ARHGAP36: variants seen among roughly 807,000 people sequenced by gnomAD.
ARHGAP36 encodes the protein Rho GTPase activating protein 36, also known as rho GTPase-activating protein 36.
In ARHGAP36, 7 loss-of-function variants were observed where a neutral mutation model predicts 32.9. That is an observed-to-expected ratio of 0.21 (90% CI 0.12 to 0.40). ARHGAP36 has a LOEUF of 0.40. ARHGAP36 is among the 10% of genes least tolerant of loss of function. The pLI is 1.00. For missense variants in ARHGAP36, 383 were observed against 442.2 expected (o/e 0.87, Z 1.20); for synonymous variants, 165 against 168.3 (o/e 0.98, Z 0.15).
At chrX:131,087,602 G>A (rs1426115906) in intron 11 of ARHGAP36, among the ~76,000 whole-genome samples, 1 of 111,857 alleles carries the variant, frequency 8.9e-6, no homozygotes, top group Non-Finnish European at 1.9e-5. Context: ...AGAAGCTCCA[G>A]AGACCAATGG....
At chrX:131,072,337 A>G (rs768332538) in intron 1 of ARHGAP36, among the ~76,000 whole-genome samples, 42 of 112,260 alleles carry the variant, frequency 3.7e-4, no homozygotes, top group Admixed American at 7.5e-4. Context: ...CAAGAAGACC[A>G]GAGGCCCTAG....
chrX:131,084,122 A>G (rs1402638869), intron 4 of ARHGAP36, 93 bp from the exon 5 acceptor site: 3 of 1,050,898 alleles, frequency 2.9e-6, no homozygotes, highest in Admixed American at 5.6e-5. Flanking sequence ...AAGGGAATGT[A>G]TCTTGTCCTG....
At chrX:131,075,337 T>C in intron 1 of ARHGAP36, among the ~76,000 whole-genome samples, 1 of 111,237 alleles carries the variant, frequency 9.0e-6, no homozygotes, top group Non-Finnish European at 1.9e-5. Context: ...TTAGTGAGTG[T>C]GTAAACTTAC....
intron 1 of ARHGAP36, among the ~76,000 whole-genome samples, chrX:131,074,305 G>A (rs1437654814): frequency 9.4e-6 from 1 of 106,513 alleles, no homozygotes; most frequent in African/African-American, 3.4e-5. Context: ...CTTGTAGTGA[G>A]TACATCGAAG....
In ARHGAP36 at chrX:131,083,961, G is replaced by T. The variant is rs1250593683; in HGVS notation, c.547G>T (p.Gly183Trp). 2 of 1,208,934 alleles carry T rather than the reference G, an allele frequency of 1.7e-6. No homozygotes were observed. Among genetic ancestry groups the T allele is most frequent in the Non-Finnish European group, 2.2e-6 (2 of 894,752 alleles). ...CTTGCCCCGGGAGTTCACTCGCCGT[G>T]GGCGTCGAGTGAGTTAAACCCTCCA... ...PTLPREFTRR[G>W]RRGAVSVDSL... is the part of the protein sequence containing the mutation. The change falls in exon 4 of 12, where the codon GGG becomes TGG. Residue 183 changes from glycine to tryptophan, a missense_variant. This residue lies in a region of ARHGAP36 where 227 missense variants were observed against 311.3 expected (regional missense o/e 0.73). Coordinates refer to ENST00000276211, the MANE Select transcript of ARHGAP36 (RefSeq NM_144967.4).
Position 131,084,338 on chromosome X carries a change from A to T in ARHGAP36, c.679A>T (p.Ser227Cys). 1 of 1,211,081 alleles carries T rather than the reference A, an allele frequency of 8.3e-7. No homozygotes were observed. The highest frequency in any genetic ancestry group is 1.1e-6 in the Non-Finnish European group (1 of 895,344). ...QRLLGSKRKM[S>C]LNPIAKQIPQ... ...ACTTCTGGGATCCAAAAGGAAGATG[A>T]GTCTCAATCCGATTGCGAAACAAAT... The change falls in exon 5 of 12, where the codon AGT becomes TGT. Residue 227 changes from serine to cysteine, a missense_variant. This residue lies in a region of ARHGAP36 where 227 missense variants were observed against 311.3 expected (regional missense o/e 0.73). Transcript: ENST00000276211.
At chrX:131,086,135 G>C (rs1413660837) in intron 9 of ARHGAP36, 46 bp downstream of exon 9, 1 of 1,185,366 alleles carries the variant, frequency 8.4e-7, no homozygotes, top group Non-Finnish European at 1.1e-6. Flanking sequence ...TCCATCTCCT[G>C]TTCACAAGGC....
At chrX:131,068,926 TC>T (rs1315610838) in intron 1 of ARHGAP36, among the ~76,000 whole-genome samples, 8 of 111,239 alleles carry the variant, frequency 7.2e-5, no homozygotes, top group Non-Finnish European at 1.5e-4. Context: ...CTCTAAATGT[TC>T]CCCCCTCCCG....
rs2079763172 is a variant in ARHGAP36, at chrX:131,076,409, T to C, written c.-142-5115T>C. Among the ~76,000 whole-genome samples, 5 of 112,305 alleles carry C rather than the reference T, an allele frequency of 4.5e-5. No individual in the cohort carries two copies. In the South Asian group the frequency reaches 1.9e-3, roughly 42 times the overall value. On this transcript the variant is annotated intron_variant, in intron 1 of 11. Coordinates refer to ENST00000276211, the MANE Select transcript of ARHGAP36 (RefSeq NM_144967.4). ...TGATGTCACATTGCCTTGTTTACACTATCCTTTGGGATGTTTATAGCATAA... is the reference window on the plus strand; with the variant it reads ...TGATGTCACATTGCCTTGTTTACACCATCCTTTGGGATGTTTATAGCATAA...
chrX:131,085,510 G>A, intron 7 of ARHGAP36, 78 bp from the exon 8 acceptor site: 3 of 1,108,208 alleles, frequency 2.7e-6, no homozygotes, highest in Non-Finnish European at 3.6e-6. Context: ...CAAGTTTCAA[G>A]CAGAATCTCA....
chrX:131,084,577 T>C (rs777651830), intron 5 of ARHGAP36, 49 bp from the exon 6 acceptor site: 2 of 1,198,612 alleles, frequency 1.7e-6, no homozygotes, highest in South Asian at 3.6e-5. Context: ...AGAAATGCCA[T>C]GGGAAAGGGA....
In ARHGAP36 at chrX:131,066,317, G is replaced by A. The variant is rs1315026000; in HGVS notation, c.-143+7873G>A. On this transcript the variant is annotated intron_variant, in intron 1 of 11. Transcript: ENST00000276211. ...TTGTAAAAATGGGTCTGGGGGAGCTGTGAAATCATTCTGTTACTCCACCCT... is the reference window on the plus strand; with the variant it reads ...TTGTAAAAATGGGTCTGGGGGAGCTATGAAATCATTCTGTTACTCCACCCT... Among the ~76,000 whole-genome samples the A allele has an allele frequency of 4.5e-5, 5 of 111,726 alleles. No homozygotes were observed. The Admixed American group carries it at 4.7e-4, about 11-fold the overall frequency.
At position 131,081,593 on chromosome X, in the gene ARHGAP36, CA is replaced by C. The variant is rs2079799335; in HGVS notation, c.-72del. The C allele has an allele frequency of 8.7e-7, 1 of 1,143,251 alleles. No individual in the cohort carries two copies. The highest frequency in any genetic ancestry group is 1.2e-6 in the Non-Finnish European group (1 of 859,520). The allele number at this position is 1,143,251 out of a possible 1,213,427, so 94.2% of individuals were successfully genotyped here. A position where few individuals can be genotyped will look rare whatever the true frequency, so the allele number is the denominator to read the frequency against. On this transcript the variant is annotated 5_prime_UTR_variant, in exon 2 of 12. Transcript: ENST00000276211. Reference sequence around the variant, plus strand: ...CCAGTTTTCCCTCCCCCTCTACCCCCACCCCCATAGTTCTCTCCACCAGGTC... The same window carrying C: ...CCAGTTTTCCCTCCCCCTCTACCCCCCCCCCATAGTTCTCTCCACCAGGTC...
intron 1 of ARHGAP36, among the ~76,000 whole-genome samples, chrX:131,073,633 G>A (rs1426422455): frequency 8.9e-6 from 1 of 112,676 alleles, no homozygotes; most frequent in Non-Finnish European, 1.9e-5. Context: ...TTGCAGACGT[G>A]AGAGTTGTGT....
intron 7 of ARHGAP36, 107 bp from the exon 8 acceptor site, chrX:131,085,481 C>T: frequency 2.0e-6 from 2 of 989,888 alleles, no homozygotes; most frequent in Non-Finnish European, 2.7e-6. Flanking sequence ...TGCCTGGGTA[C>T]TTTCTCCATA....
At chrX:131,061,385 T>A (rs1393441627) in intron 1 of ARHGAP36, among the ~76,000 whole-genome samples, 1 of 110,558 alleles carries the variant, frequency 9.0e-6, no homozygotes, top group Non-Finnish European at 1.9e-5. Context: ...ATCACTGAGG[T>A]CTGGGAGGAA....
Position 131,083,216 on chromosome X carries a change from G to C in ARHGAP36, c.305G>C (p.Arg102Thr). 2 of 1,210,185 alleles carry C rather than the reference G, an allele frequency of 1.7e-6. No individual in the cohort carries two copies. Among genetic ancestry groups the C allele is most frequent in the Non-Finnish European group, 2.2e-6 (2 of 894,404 alleles). The change falls in exon 3 of 12, where the codon AGA becomes ACA. Residue 102 changes from arginine to threonine, a missense_variant. Physicochemically the swap from Arg to Thr is moderately conservative, Grantham distance 71 (BLOSUM62 -1). Coordinates refer to ENST00000276211, the MANE Select transcript of ARHGAP36 (RefSeq NM_144967.4). The part of the protein sequence containing the change: ...NTLDKWFLIL[R>T]GQQRAVSHKT... ...TTGGATAAGTGGTTTCTGATTTTGA[G>C]AGGACAGCAGAGGGGTGAGGGGGCT...
intron 1 of ARHGAP36, among the ~76,000 whole-genome samples, chrX:131,063,714 A>G (rs1324240190): frequency 1.0e-5 from 1 of 99,570 alleles, no homozygotes; most frequent in Non-Finnish European, 1.9e-5. Context: ...TATATCCACC[A>G]CCACCACCCC....
At chrX:131,082,401 G>A (rs1167205336) in intron 2 of ARHGAP36, among the ~76,000 whole-genome samples, 1 of 112,740 alleles carries the variant, frequency 8.9e-6, no homozygotes, top group Non-Finnish European at 1.9e-5. Context: ...CGGGCGCGGG[G>A]GCGGCGGCAG....
Sources: allele counts gnomAD v4.1 joint callset (sites outside exome capture counted in the v4.1 genomes callset), GRCh38; gene constraint gnomAD v4.1.1; regional missense constraint gnomAD v4.1.1; transcripts MANE v1.5; gene names NCBI Gene and HGNC (gene_info 2026-07-23, HGNC 2026-07-21).